The following RBPJ variants were observed in gnomAD, a reference collection of about 807,000 sequenced individuals.
RBPJ encodes recombining binding protein suppressor of hairless.
In RBPJ, 9 loss-of-function variants were observed where a neutral mutation model predicts 67.8. The observed-to-expected ratio is 0.13, with a 90% CI of 0.08 to 0.23. The LOEUF (loss-of-function observed/expected upper bound fraction) is 0.23. Ranked by LOEUF, RBPJ falls within the 10% of genes least tolerant of loss-of-function variation. RBPJ has a pLI of 1.00. For synonymous variants in RBPJ, 198 were observed against 203.3 expected (o/e 0.97, Z 0.22); for missense variants, 305 against 595.6 (o/e 0.51, Z 5.08).
chr4:26,311,141 C>T (rs1367057086), intron 1 of RBPJ, among the ~76,000 whole-genome samples: 1 of 152,130 alleles, frequency 6.6e-6, no homozygotes, highest in Non-Finnish European at 1.5e-5. Flanking sequence ...TCTGACGATC[C>T]TATGAATTAG....
chr4:26,196,778 C>T (rs1311693687), intron 1 of RBPJ, among the ~76,000 whole-genome samples: 3 of 152,158 alleles, frequency 2.0e-5, no homozygotes, highest in Non-Finnish European at 2.9e-5. Flanking sequence ...TCCGGAGCTC[C>T]CCCAGCCCTT....
intron 1 of RBPJ, among the ~76,000 whole-genome samples, chr4:26,172,137 G>A (rs147941009): frequency 1.3e-5 from 2 of 152,262 alleles, no homozygotes; most frequent in African/African-American, 2.4e-5. Context: ...TCAACAACAT[G>A]GATGGAACTA....
the RBPJ span, among the ~76,000 whole-genome samples, chr4:26,139,835 G>C: frequency 6.6e-6 from 1 of 152,196 alleles, no homozygotes; most frequent in Non-Finnish European, 1.5e-5. Flanking sequence ...TCATGTTTCT[G>C]TACTTAATTT....
At chr4:26,234,645 A>G (rs368147822) in intron 1 of RBPJ, among the ~76,000 whole-genome samples, 3 of 152,190 alleles carry the variant, frequency 2.0e-5, no homozygotes, top group African/African-American at 7.2e-5. Flanking sequence ...ATCACCTTGT[A>G]GTTAATTACA....
chr4:26,132,454 C>T, the RBPJ span, among the ~76,000 whole-genome samples: 47 of 109,048 alleles, frequency 4.3e-4, no homozygotes, highest in African/African-American at 1.4e-3. Flanking sequence ...ACCTGCTCCT[C>T]CCAGAGCTGC....
rs11939749 is a variant in RBPJ at position 26,202,958 on chromosome 4, G to A, written c.-167+39344G>A. 1.5e-4 allele frequency among the ~76,000 whole-genome samples: 17 copies of A among 113,264 alleles called. No homozygotes were observed. The South Asian group carries it at 5.9e-3, about 39-fold the overall frequency. 74.3% of individuals were successfully genotyped at this position (113,264 alleles called of 152,430 possible). ...GAAAGAGAGAAAGGAAGGAAGAAAG[G>A]AAGGAAGGAAATAAGGAAGGAAGGA... On this transcript the variant is annotated intron_variant, in intron 1 of 4. Coordinates refer to the RBPJ transcript ENST00000512351.
At chr4:26,331,402 T>TC (rs1208069516) in intron 1 of RBPJ, among the ~76,000 whole-genome samples, 1 of 151,704 alleles carries the variant, frequency 6.6e-6, no homozygotes, top group Non-Finnish European at 1.5e-5. Context: ...TTTTTTTTTT[T>TC]CCCATACCTT....
At chr4:26,213,566 T>TG (rs1718513915) in intron 1 of RBPJ, among the ~76,000 whole-genome samples, 1 of 152,066 alleles carries the variant, frequency 6.6e-6, no homozygotes, top group African/African-American at 2.4e-5. Context: ...ACAGGAGTCA[T>TG]GGGAGAGAGT....
At chr4:26,182,446 A>G (rs1367543787) in intron 1 of RBPJ, among the ~76,000 whole-genome samples, 1 of 151,908 alleles carries the variant, frequency 6.6e-6, no homozygotes, top group East Asian at 1.9e-4. Flanking sequence ...TTATATCCTT[A>G]TTCTAAAAGC....
intron 1 of RBPJ, among the ~76,000 whole-genome samples, chr4:26,224,975 G>A (rs113377292): frequency 1.6e-3 from 248 of 152,316 alleles, no homozygotes; most frequent in African/African-American, 5.6e-3. Flanking sequence ...AAGGAAAGAC[G>A]TGGTATACAT....
intron 1 of RBPJ, among the ~76,000 whole-genome samples, chr4:26,171,770 G>A (rs775935970): frequency 2.0e-5 from 3 of 152,136 alleles, no homozygotes; most frequent in Non-Finnish European, 2.9e-5. Flanking sequence ...ACAGCCACCC[G>A]CTGTGTGACA....
At chr4:26,175,939 C>T (rs902778754) in intron 1 of RBPJ, among the ~76,000 whole-genome samples, 2 of 152,136 alleles carry the variant, frequency 1.3e-5, no homozygotes, top group African/African-American at 4.8e-5. Flanking sequence ...CTGGGATCCA[C>T]CCTAAGAGGG....
rs376043690 is a variant in RBPJ at position 26,428,321 on chromosome 4, A to C, written c.748-399A>C. On this transcript the variant is annotated intron_variant, in intron 7 of 10. Coordinates refer to ENST00000355476, the MANE Select transcript of RBPJ (RefSeq NM_015874.6). ...TGGTCTGTAGGCCAGCAGCATTAAC[A>C]TCAACTGGGATTTTGTTAGAAATGC... Among the ~76,000 whole-genome samples the C allele has an allele frequency of 9.8e-5, 15 of 152,356 alleles. No homozygotes were observed. The East Asian group carries it at 2.7e-3, about 27-fold the overall frequency.
At chr4:26,330,327 G>A (rs1027015659) in intron 1 of RBPJ, among the ~76,000 whole-genome samples, 7 of 152,168 alleles carry the variant, frequency 4.6e-5, no homozygotes, top group South Asian at 2.1e-4. Context: ...CTGCCAGAAT[G>A]TTATTTGCTG....
chr4:26,367,429 C>T lies in RBPJ; in HGVS notation c.21-18924C>T, dbSNP rs1024440543. The stretch of plus-strand genomic sequence containing the variant: ...AGGTTGCAGTGAGCCAAGATCATGG[C>T]ACTACACTCCAGCCTGGGCAACAGA... On this transcript the variant is annotated intron_variant, in intron 1 of 10. Transcript: ENST00000355476. 3.3e-5 allele frequency among the ~76,000 whole-genome samples: 5 copies of T among 152,234 alleles called. No homozygotes were observed. In the East Asian group the frequency reaches 7.7e-4, roughly 24 times the overall value.
the RBPJ span, among the ~76,000 whole-genome samples, chr4:26,133,800 G>A: frequency 1.3e-5 from 2 of 151,426 alleles, no homozygotes; most frequent in Non-Finnish European, 2.9e-5. Context: ...AAAAGGTGGA[G>A]GACCGCTGAT....
chr4:26,340,881 A>T (rs568006083), intron 1 of RBPJ, among the ~76,000 whole-genome samples: 1 of 151,984 alleles, frequency 6.6e-6, no homozygotes, highest in South Asian at 2.1e-4. Flanking sequence ...AGAAAAAAAA[A>T]AAAGAAAGAA....
At chr4:26,419,865 C>A (rs1000406947) in intron 4 of RBPJ, among the ~76,000 whole-genome samples, 11 of 152,154 alleles carry the variant, frequency 7.2e-5, no homozygotes, top group African/African-American at 2.7e-4. Flanking sequence ...GGTAAACTGA[C>A]ATAATGCCTT....
At chr4:26,416,276 C>T (rs528487883) in intron 4 of RBPJ, among the ~76,000 whole-genome samples, 13 of 152,054 alleles carry the variant, frequency 8.5e-5, no homozygotes, top group African/African-American at 1.2e-4. Context: ...TTTCTTCCCC[C>T]GGGACAGGGT....
Sources: gnomAD v4.1 joint callset for allele counts (sites outside exome capture counted in the v4.1 genomes callset) on GRCh38, gnomAD v4.1.1 for gene constraint, MANE v1.5 for transcripts, NCBI Gene and HGNC (gene_info 2026-07-23, HGNC 2026-07-21) for gene names.